The following ZMAT4 variants were observed in gnomAD, a reference collection of about 807,000 sequenced individuals.
The protein encoded by ZMAT4 is zinc finger matrin-type protein 4.
ZMAT4 carries 17 observed loss-of-function variants against 28.7 expected under a neutral mutation model. The ratio of observed to expected loss-of-function variants is 0.59; its 90% CI spans 0.41 to 0.89. The LOEUF is 0.89. ZMAT4 is among the 40% of genes least tolerant of loss of function. ZMAT4 has a pLI of 0.00. For synonymous variants in ZMAT4, 117 were observed against 109.2 expected (o/e 1.07, Z -0.44); for missense variants, 240 against 283.8 (o/e 0.85, Z 1.11).
At chr8:40,840,012 C>T (rs1425861881) in intron 1 of ZMAT4, among the ~76,000 whole-genome samples, 10 of 152,226 alleles carry the variant, frequency 6.6e-5, no homozygotes, top group Admixed American at 6.5e-5. Context: ...CCTCCCAAGT[C>T]AGTGGGCTGT....
At chr8:40,881,433 G>GAGAGAGAAAGAAAGAA (rs1554497923) in intron 1 of ZMAT4, among the ~76,000 whole-genome samples, 2 of 70,228 alleles carry the variant, frequency 2.8e-5, no homozygotes, top group African/African-American at 1.2e-4. Context: ...AGAAGAAAGA[G>GAGAGAGAAAGAAAGAA]AGAAAGAAAG....
intron 3 of ZMAT4, among the ~76,000 whole-genome samples, chr8:40,701,480 C>T (rs934214730): frequency 2.7e-5 from 4 of 148,844 alleles, no homozygotes; most frequent in Non-Finnish European, 4.4e-5. Flanking sequence ...GCTCTAATGA[C>T]GCTGGTGGAT....
At chr8:40,824,305 T>C (rs1815940034) in intron 2 of ZMAT4, among the ~76,000 whole-genome samples, 1 of 152,170 alleles carries the variant, frequency 6.6e-6, no homozygotes, top group Non-Finnish European at 1.5e-5. Flanking sequence ...ATTAGCTGAG[T>C]GCAGTGGCAT....
rs575744133 is a variant in ZMAT4, at chr8:40,813,338, C to G, written c.102+12237G>C. Reference sequence around the variant, plus strand: ...AAAGAAGATCCCCAACCTCATGTTACAGAAGAAGAAATTAAAATCAGGAAG... The same window carrying G: ...AAAGAAGATCCCCAACCTCATGTTAGAGAAGAAGAAATTAAAATCAGGAAG... On this transcript the variant is annotated intron_variant, in intron 2 of 6. Coordinates refer to ENST00000297737, the MANE Select transcript of ZMAT4 (RefSeq NM_024645.3). 1.5e-4 allele frequency among the ~76,000 whole-genome samples: 23 copies of G among 152,166 alleles called. 1 individual carries two copies. Among genetic ancestry groups the G allele is most frequent in the Non-Finnish European group, 3.1e-4 (21 of 68,022 alleles).
intron 5 of ZMAT4, among the ~76,000 whole-genome samples, chr8:40,591,539 C>T (rs1224188323): frequency 6.6e-6 from 1 of 152,226 alleles, no homozygotes; most frequent in African/African-American, 2.4e-5. Context: ...CCTCCCCACC[C>T]CAGTACCATT....
chr8:40,593,264 A>T (rs1563355776), intron 5 of ZMAT4, among the ~76,000 whole-genome samples: 1 of 152,190 alleles, frequency 6.6e-6, no homozygotes, highest in Admixed American at 6.5e-5. Context: ...CCTGAAGTGG[A>T]TTGGGCTTCT....
intron 1 of ZMAT4, among the ~76,000 whole-genome samples, chr8:40,849,650 T>C (rs1342661600): frequency 6.6e-6 from 1 of 152,126 alleles, no homozygotes; most frequent in Non-Finnish European, 1.5e-5. Flanking sequence ...ATGGCATCAC[T>C]CACTCTGTTC....
chr8:40,889,133 G>T (rs1818574290), intron 1 of ZMAT4, among the ~76,000 whole-genome samples: 1 of 152,192 alleles, frequency 6.6e-6, no homozygotes, highest in African/African-American at 2.4e-5. Flanking sequence ...TGCACCCCTT[G>T]AAATGCTAAG....
At chr8:40,837,033 A>G (rs1816519849) in intron 1 of ZMAT4, among the ~76,000 whole-genome samples, 1 of 152,228 alleles carries the variant, frequency 6.6e-6, no homozygotes, top group Non-Finnish European at 1.5e-5. Flanking sequence ...CACAATAATG[A>G]TGAGAGACGA....
At chr8:40,870,464 G>A (rs886091538) in intron 1 of ZMAT4, among the ~76,000 whole-genome samples, 1 of 152,220 alleles carries the variant, frequency 6.6e-6, no homozygotes, top group East Asian at 1.9e-4. Flanking sequence ...GGAGGGCAGA[G>A]AGAAGCCATT....
chr8:40,536,409 G>A (rs771562124), intron 6 of ZMAT4, among the ~76,000 whole-genome samples: 9 of 152,152 alleles, frequency 5.9e-5, no homozygotes, highest in Non-Finnish European at 1.2e-4. Context: ...CATCACACTG[G>A]TGTTGCAATG....
intron 5 of ZMAT4, among the ~76,000 whole-genome samples, chr8:40,630,631 G>A (rs1174459983): frequency 6.6e-6 from 1 of 152,132 alleles, no homozygotes; most frequent in African/African-American, 2.4e-5. Context: ...GTACACAAAC[G>A]AAAAGATACT....
At chr8:40,781,071 G>A (rs999012583) in intron 2 of ZMAT4, among the ~76,000 whole-genome samples, 10 of 152,090 alleles carry the variant, frequency 6.6e-5, no homozygotes, top group African/African-American at 2.4e-4. Context: ...GGAGGTGAGG[G>A]AAGCATCTAA....
chr8:40,635,797 A>G (rs1242694959), intron 5 of ZMAT4, among the ~76,000 whole-genome samples: 1 of 152,200 alleles, frequency 6.6e-6, no homozygotes, highest in Non-Finnish European at 1.5e-5. Context: ...AATATTTGCT[A>G]TTGTAGGGTA....
rs561692776 is a variant in ZMAT4 at position 40,714,825 on chromosome 8, C to T, written c.193-17424G>A. Among the ~76,000 whole-genome samples, 14 of 152,040 alleles carry T rather than the reference C, an allele frequency of 9.2e-5. No individual in the cohort carries two copies. In the East Asian group the frequency reaches 2.5e-3, roughly 27 times the overall value. On this transcript the variant is annotated intron_variant, in intron 3 of 6. Transcript: ENST00000297737. ...CAGCACTTTGGGAGGCCAAGGCTGGCGGATCATGAGGTCAGGATATTGAGA... is the reference window on the plus strand; with the variant it reads ...CAGCACTTTGGGAGGCCAAGGCTGGTGGATCATGAGGTCAGGATATTGAGA...
At chr8:40,679,929 G>A (rs1263775182) in intron 4 of ZMAT4, among the ~76,000 whole-genome samples, 1 of 152,092 alleles carries the variant, frequency 6.6e-6, no homozygotes, top group Admixed American at 6.6e-5. Flanking sequence ...AAAGAAATAT[G>A]GTAACCAAGA....
rs576470808 is a variant in ZMAT4 at position 40,868,031 on chromosome 8, G to C, written c.-5+29652C>G. Among the ~76,000 whole-genome samples, 462 of 152,048 alleles carry C rather than the reference G, an allele frequency of 3.0e-3. 4 individuals carry two copies. Among genetic ancestry groups the C allele is most frequent in the Non-Finnish European group, 3.4e-3 (229 of 68,004 alleles). ...ATGGCAAGGATTTCTGTCCTTAACT[G>C]TACCCCAGAGGCAAGAATATATTAG... On this transcript the variant is annotated intron_variant, in intron 1 of 6. Coordinates refer to ENST00000297737, the MANE Select transcript of ZMAT4 (RefSeq NM_024645.3).
intron 5 of ZMAT4, among the ~76,000 whole-genome samples, chr8:40,652,765 G>C (rs1807734315): frequency 7.7e-6 from 1 of 130,142 alleles, no homozygotes; most frequent in Non-Finnish European, 1.7e-5. Context: ...AAAAAATGAT[G>C]AGTTCATGTC....
rs531967065 is a variant in ZMAT4 at position 40,736,120 on chromosome 8, G to A, written c.192+31521C>T. Among the ~76,000 whole-genome samples the A allele has an allele frequency of 9.5e-4, 144 of 152,250 alleles. 1 individual carries two copies. The highest frequency in any genetic ancestry group is 3.3e-3 in the African/African-American group (137 of 41,546). On this transcript the variant is annotated intron_variant, in intron 3 of 6. Coordinates refer to ENST00000297737, the MANE Select transcript of ZMAT4 (RefSeq NM_024645.3). ...ATTCAGACCTACAGCCCATCAGTGG[G>A]GATCAGGAAGACTCTGACCAACCTC...
Sources: gnomAD v4.1 joint callset for allele counts (sites outside exome capture counted in the v4.1 genomes callset) on GRCh38, gnomAD v4.1.1 for gene constraint, MANE v1.5 for transcripts, NCBI Gene and HGNC (gene_info 2026-07-23, HGNC 2026-07-21) for gene names.